Variants in C7 observed in about 807,000 individuals in gnomAD.
C7 encodes complement C7, also known as complement component C7.
C7 carries 83 observed loss-of-function variants against 104.8 expected under a neutral mutation model. The observed-to-expected ratio is 0.79, with a 90% CI of 0.66 to 0.95. C7 has a LOEUF of 0.95. Among genes scored for constraint, C7 ranks in the 40% least tolerant of loss-of-function variants. The pLI, the probability that C7 is intolerant of heterozygous loss-of-function variation, is 0.00. For synonymous variants in C7, 415 were observed against 360.6 expected (o/e 1.15, Z -1.71); for missense variants, 1,070 against 1,011.2 (o/e 1.06, Z -0.79).
chr5:40,917,964 T>C (rs1335342872), intron 1 of C7, among the ~76,000 whole-genome samples: 2 of 152,172 alleles, frequency 1.3e-5, no homozygotes, highest in African/African-American at 2.4e-5. Flanking sequence ...TGTAGAGTTG[T>C]ATGCAAAGTT....
intron 14 of C7, among the ~76,000 whole-genome samples, chr5:40,966,666 CAT>C (rs1474396849): frequency 6.6e-6 from 1 of 152,100 alleles, no homozygotes; most frequent in Non-Finnish European, 1.5e-5. Context: ...CATGAGCTAC[CAT>C]GCCTGGCACA....
At chr5:40,923,798 A>T (rs776833093) in intron 1 of C7, among the ~76,000 whole-genome samples, 24 of 152,092 alleles carry the variant, frequency 1.6e-4, no homozygotes, top group Non-Finnish European at 1.8e-4. Flanking sequence ...CTTTAAAACA[A>T]TCAGATCTTA....
intron 1 of C7, among the ~76,000 whole-genome samples, chr5:40,922,335 A>G (rs1739455344): frequency 7.8e-6 from 1 of 128,788 alleles, no homozygotes; most frequent in Non-Finnish European, 1.6e-5. Flanking sequence ...AGATTGTGTC[A>G]CTGCACTCCA....
intron 14 of C7, among the ~76,000 whole-genome samples, chr5:40,966,379 T>TC (rs1354338609): frequency 6.6e-6 from 1 of 151,278 alleles, no homozygotes; most frequent in African/African-American, 2.4e-5. Context: ...TTTCTTTCTT[T>TC]TTTTTTTTTT....
chr5:40,981,501 G>T lies in C7; in HGVS notation c.2460G>T (p.Ala820=), dbSNP rs369115220. Residue 820 remains alanine, a synonymous_variant, in exon 18 of 18, where the codon GCG becomes GCT. Transcript: ENST00000313164. The stretch of plus-strand genomic sequence containing the variant: ...AGCAGACGATGTCTGAGTGTGAGGC[G>T]GGCGCTCTGAGATGCAGAGGGCAGA... The part of the protein sequence containing the change: ...GKEQTMSECE[A]GALRCRGQSI... 1.9e-5 allele frequency: 30 copies of T among 1,613,644 alleles called. No individual in the cohort carries two copies. Among genetic ancestry groups the T allele is most frequent in the Non-Finnish European group, 2.1e-5 (25 of 1,179,780 alleles).
At chr5:40,972,067 A>G in intron 14 of C7, 1 of 480,754 alleles carries the variant, frequency 2.1e-6, no homozygotes, top group Non-Finnish European at 4.1e-6. Flanking sequence ...ACATCACTAG[A>G]GCACATAAAT....
chr5:40,963,018 A>T (rs1740455670), intron 13 of C7, among the ~76,000 whole-genome samples: 1 of 152,100 alleles, frequency 6.6e-6, no homozygotes, highest in African/African-American at 2.4e-5. Context: ...TCAACCTAGC[A>T]TCTCTACCAC....
intron 6 of C7, among the ~76,000 whole-genome samples, 153 bp downstream of exon 6, chr5:40,937,843 G>T (rs1239735224): frequency 6.6e-6 from 1 of 152,140 alleles, no homozygotes; most frequent in Non-Finnish European, 1.5e-5. Context: ...AGTATACACA[G>T]TGTTTTTGCT....
At chr5:40,971,178 T>C (rs1367995242) in intron 14 of C7, among the ~76,000 whole-genome samples, 2 of 152,330 alleles carry the variant, frequency 1.3e-5, no homozygotes, top group Middle Eastern at 3.4e-3. Flanking sequence ...TCCACAATGA[T>C]TGAACTAGTT....
intron 17 of C7, 67 bp from the exon 18 acceptor site, chr5:40,981,325 A>T: frequency 7.2e-7 from 1 of 1,394,350 alleles, no homozygotes; most frequent in Non-Finnish European, 1.0e-6. Flanking sequence ...ATTACTTTGG[A>T]GGTGATGTTC....
intron 1 of C7, among the ~76,000 whole-genome samples, chr5:40,925,897 A>T (rs978588137): frequency 6.6e-6 from 1 of 152,232 alleles, no homozygotes; most frequent in African/African-American, 2.4e-5. Context: ...GAATACTTTC[A>T]AATTCTTTTT....
intron 12 of C7, among the ~76,000 whole-genome samples, 198 bp from the exon 13 acceptor site, chr5:40,961,887 T>A (rs371755101): frequency 2.1e-4 from 32 of 152,336 alleles, no homozygotes; most frequent in Middle Eastern, 3.4e-3. Context: ...CACTGTCTTT[T>A]GTTAGCTTGA....
intron 7 of C7, among the ~76,000 whole-genome samples, chr5:40,946,774 G>A (rs1740058366): frequency 6.6e-6 from 1 of 151,934 alleles, no homozygotes; most frequent in African/African-American, 2.4e-5. Context: ...GTTTATATAA[G>A]AAATTATCAT....
At chr5:40,975,410 C>A (rs1246117552) in intron 15 of C7, among the ~76,000 whole-genome samples, 1 of 144,018 alleles carries the variant, frequency 6.9e-6, no homozygotes, top group Non-Finnish European at 1.5e-5. Flanking sequence ...TCCAGGCTGG[C>A]TGGAGTGCAA....
At chr5:40,915,597 G>A (rs931851443) in intron 1 of C7, among the ~76,000 whole-genome samples, 1 of 152,052 alleles carries the variant, frequency 6.6e-6, no homozygotes, top group African/African-American at 2.4e-5. Context: ...ACCCCACATA[G>A]CTTATAATTT....
chr5:40,936,615 T>A, intron 5 of C7, 130 bp downstream of exon 5: 1 of 789,770 alleles, frequency 1.3e-6, no homozygotes, highest in Non-Finnish European at 2.0e-6. Context: ...CAGAGCTCTT[T>A]GCCACATCCT....
intron 16 of C7, 50 bp from the exon 17 acceptor site, chr5:40,979,675 C>T (rs749433779): frequency 6.6e-7 from 1 of 1,510,592 alleles, no homozygotes; most frequent in Non-Finnish European, 9.0e-7. Context: ...TCCTTCTCAG[C>T]TTTTACGAAC....
rs113621943 is a variant in C7 at position 40,975,480 on chromosome 5, C to T, written c.2075-1270C>T. ...CCGGGCTCAAGCAATTCTCCTGCCTCAGCCTCCTGAGGAGCTGAGATTACA... is the reference window on the plus strand; with the variant it reads ...CCGGGCTCAAGCAATTCTCCTGCCTTAGCCTCCTGAGGAGCTGAGATTACA... On this transcript the variant is annotated intron_variant, in intron 15 of 17. Transcript: ENST00000313164. Among the ~76,000 whole-genome samples the T allele has an allele frequency of 1.7e-3, 260 of 151,880 alleles. 2 individuals are homozygous for T. Among genetic ancestry groups the T allele is most frequent in the African/African-American group, 5.2e-3 (215 of 41,402 alleles).
chr5:40,944,476 C>T (rs918221002), intron 6 of C7, among the ~76,000 whole-genome samples: 14 of 152,170 alleles, frequency 9.2e-5, no homozygotes, highest in Non-Finnish European at 1.9e-4. Flanking sequence ...ACTTTTTCAT[C>T]ACCATGCTGT....
Sources: allele counts gnomAD v4.1 joint callset (sites outside exome capture counted in the v4.1 genomes callset), GRCh38; gene constraint gnomAD v4.1.1; transcripts MANE v1.5; gene names NCBI Gene and HGNC (gene_info 2026-07-23, HGNC 2026-07-21).